Variants in EPHA7 observed in about 807,000 individuals in gnomAD.
The protein encoded by EPHA7 is EPH receptor A7.
A neutral mutation model predicts 112.6 loss-of-function variants in EPHA7; 25 were observed. That is an observed-to-expected ratio of 0.22 (90% CI 0.16 to 0.31). The LOEUF is 0.31. EPHA7 is among the 10% of genes least tolerant of loss of function. EPHA7 has a pLI of 1.00. For synonymous variants in EPHA7, 437 were observed against 406.5 expected (o/e 1.07, Z -0.90); for missense variants, 962 against 1,212.6 (o/e 0.79, Z 3.07).
chr6:93,275,507 C>T (rs1243262567), intron 5 of EPHA7, among the ~76,000 whole-genome samples: 5 of 151,790 alleles, frequency 3.3e-5, no homozygotes, highest in Admixed American at 2.6e-4. Context: ...CAAGTCTTAT[C>T]AGGGATATAA....
intron 7 of EPHA7, among the ~76,000 whole-genome samples, chr6:93,268,617 C>T (rs976398230): frequency 2.0e-5 from 3 of 151,618 alleles, no homozygotes; most frequent in African/African-American, 7.3e-5. Flanking sequence ...ATCAAAACTC[C>T]AAAATATAGA....
In EPHA7 at chr6:93,243,272, G is replaced by C. The variant is rs1375334864; in HGVS notation, c.*154C>G. 3 of 496,090 alleles carry C rather than the reference G, an allele frequency of 6.0e-6. No individual in the cohort carries two copies. Among genetic ancestry groups the C allele is most frequent in the Non-Finnish European group, 7.1e-6 (2 of 281,368 alleles). 30.7% of individuals were successfully genotyped at this position (496,090 alleles called of 1,614,324 possible). ...TTTTTATATATTCTGGTGGCACTTA[G>C]GAGTTCAAGTCTATAGGTGCTTCTT... On this transcript the variant is annotated 3_prime_UTR_variant, in exon 17 of 17. Coordinates refer to ENST00000369303, the MANE Select transcript of EPHA7 (RefSeq NM_004440.4).
chr6:93,262,883 A>T (rs1770753768), intron 9 of EPHA7, among the ~76,000 whole-genome samples: 1 of 151,330 alleles, frequency 6.6e-6, no homozygotes, highest in Non-Finnish European at 1.5e-5. Context: ...GAAATTCTTG[A>T]TGGAGGCTTT....
chr6:93,282,640 G>A (rs1310027875), intron 5 of EPHA7, among the ~76,000 whole-genome samples: 1 of 152,156 alleles, frequency 6.6e-6, no homozygotes, highest in Non-Finnish European at 1.5e-5. Flanking sequence ...TTGCGGGGAG[G>A]TGTGGAGGGA....
At chr6:93,314,374 A>C (rs543562809) in intron 5 of EPHA7, among the ~76,000 whole-genome samples, 2 of 152,332 alleles carry the variant, frequency 1.3e-5, no homozygotes, top group South Asian at 4.1e-4. Context: ...ACAACTGCAG[A>C]GATGAAGAAT....
chr6:93,314,001 T>A (rs1485068966), intron 5 of EPHA7, among the ~76,000 whole-genome samples: 2 of 152,172 alleles, frequency 1.3e-5, no homozygotes, highest in African/African-American at 4.8e-5. Flanking sequence ...ATTTTATAAT[T>A]TCACTCATTT....
chr6:93,320,031 T>C (rs1773990162), intron 5 of EPHA7, among the ~76,000 whole-genome samples: 1 of 151,978 alleles, frequency 6.6e-6, no homozygotes. Flanking sequence ...GGATAAAATA[T>C]TATAATAAGA....
intron 5 of EPHA7, among the ~76,000 whole-genome samples, chr6:93,309,366 T>G (rs995130950): frequency 6.6e-6 from 1 of 152,250 alleles, no homozygotes; most frequent in Non-Finnish European, 1.5e-5. Flanking sequence ...AAATGTTCTA[T>G]ACATATATTT....
chr6:93,269,829 T>C (rs1374273663), intron 6 of EPHA7, among the ~76,000 whole-genome samples, 169 bp from the exon 7 acceptor site: 1 of 151,796 alleles, frequency 6.6e-6, no homozygotes. Context: ...AAAATGAAAA[T>C]GTGAAACACA....
intron 2 of EPHA7, among the ~76,000 whole-genome samples, chr6:93,414,281 T>C (rs960079509): frequency 1.2e-4 from 18 of 152,036 alleles, no homozygotes; most frequent in Non-Finnish European, 2.2e-4. Context: ...TTTTGAATGA[T>C]GCTGAAACTT....
intron 3 of EPHA7, among the ~76,000 whole-genome samples, chr6:93,404,725 T>C (rs569354253): frequency 6.6e-6 from 1 of 151,548 alleles, no homozygotes; most frequent in East Asian, 1.9e-4. Flanking sequence ...TGGGTAATAA[T>C]AGTCTCATTC....
At position 93,286,210 on chromosome 6, in the gene EPHA7, C is replaced by T. The variant is rs114455937; in HGVS notation, c.1325-13788G>A. ...ACAAATGTATTCTACAGATGGGCAT[C>T]TATGTTTTATTCAGTTGTTCAAGGC... On this transcript the variant is annotated intron_variant, in intron 5 of 16. Coordinates refer to ENST00000369303, the MANE Select transcript of EPHA7 (RefSeq NM_004440.4). 5.8e-3 allele frequency among the ~76,000 whole-genome samples: 889 copies of T among 152,206 alleles called. 7 individuals are homozygous for T. The highest frequency in any genetic ancestry group is 0.021 in the African/African-American group (856 of 41,536).
intron 5 of EPHA7, among the ~76,000 whole-genome samples, chr6:93,286,488 A>G (rs1243462512): frequency 1.3e-5 from 2 of 152,164 alleles, no homozygotes; most frequent in Non-Finnish European, 2.9e-5. Context: ...GAAAGAAGAT[A>G]TTAGGGAGAA....
chr6:93,363,472 G>A (rs1407064195), intron 3 of EPHA7, among the ~76,000 whole-genome samples: 1 of 152,152 alleles, frequency 6.6e-6, no homozygotes, highest in Non-Finnish European at 1.5e-5. Context: ...AGGCTACTGA[G>A]CACTTAAAAA....
chr6:93,362,120 T>C (rs1434353247), intron 3 of EPHA7, among the ~76,000 whole-genome samples: 1 of 152,054 alleles, frequency 6.6e-6, no homozygotes, highest in Non-Finnish European at 1.5e-5. Context: ...CCTTAATGAA[T>C]AAAATAAGCT....
chr6:93,287,064 T>A (rs1772101907), intron 5 of EPHA7, among the ~76,000 whole-genome samples: 1 of 152,200 alleles, frequency 6.6e-6, no homozygotes, highest in South Asian at 2.1e-4. Context: ...ACCATGCATA[T>A]TTTTGGCACT....
chr6:93,260,593 T>C (rs937775208), intron 9 of EPHA7: 1 of 964,290 alleles, frequency 1.0e-6, no homozygotes, highest in Non-Finnish European at 1.2e-6. Flanking sequence ...ACTGTGCTTA[T>C]GTCATCACAT....
chr6:93,367,318 G>A (rs77526008), intron 3 of EPHA7, among the ~76,000 whole-genome samples: 1 of 151,930 alleles, frequency 6.6e-6, no homozygotes, highest in South Asian at 2.1e-4. Flanking sequence ...TTTTCAAATT[G>A]TTCTCATATT....
intron 5 of EPHA7, among the ~76,000 whole-genome samples, chr6:93,280,724 T>A (rs1003586191): frequency 1.3e-5 from 2 of 152,172 alleles, no homozygotes; most frequent in African/African-American, 2.4e-5. Context: ...ATAATCAGAA[T>A]ACTTACATCA....
Sources: allele counts gnomAD v4.1 joint callset (sites outside exome capture counted in the v4.1 genomes callset), GRCh38; gene constraint gnomAD v4.1.1; transcripts MANE v1.5; gene names NCBI Gene and HGNC (gene_info 2026-07-23, HGNC 2026-07-21).